The following CDYL variants were observed in gnomAD, a reference collection of about 807,000 sequenced individuals.
CDYL encodes the protein chromodomain Y like.
A neutral mutation model predicts 47.3 loss-of-function variants in CDYL; 8 were observed. That is an observed-to-expected ratio of 0.17 (90% CI 0.10 to 0.31). CDYL has a LOEUF of 0.31. Ranked by LOEUF, CDYL falls within the 10% of genes least tolerant of loss-of-function variation. CDYL has a pLI of 1.00. For synonymous variants in CDYL, 266 were observed against 265.0 expected (o/e 1.00, Z -0.04); for missense variants, 471 against 701.4 (o/e 0.67, Z 3.71).
chr6:4,810,245 C>A (rs1430436054), intron 1 of CDYL, among the ~76,000 whole-genome samples: 3 of 152,124 alleles, frequency 2.0e-5, no homozygotes, highest in African/African-American at 7.2e-5. Context: ...CTTCCTAACT[C>A]CTACTTCACA....
chr6:4,925,932 A>G (rs1339829233), intron 2 of CDYL, among the ~76,000 whole-genome samples: 1 of 152,158 alleles, frequency 6.6e-6, no homozygotes, highest in Admixed American at 6.5e-5. Flanking sequence ...TACTAGAACT[A>G]TGCGCTTCAT....
chr6:4,943,773 A>T lies in CDYL; in HGVS notation c.1332+17A>T. The T allele has an allele frequency of 2.0e-6, 3 of 1,464,360 alleles. No individual in the cohort carries two copies. The highest frequency in any genetic ancestry group is 1.3e-5 in the South Asian group (1 of 78,124). The allele number at this position is 1,464,360 out of a possible 1,614,324, so 90.7% of individuals were successfully genotyped here. On this transcript the variant is annotated intron_variant, in intron 5 of 6. Coordinates refer to ENST00000397588, the MANE Select transcript of CDYL (RefSeq NM_004824.4). Reference sequence around the variant, plus strand: ...GGAGCATCTGTGAGTACCTTTTTAAAAAAAAAAAAAAAAAGTCATTCTAGA... The same window carrying T: ...GGAGCATCTGTGAGTACCTTTTTAATAAAAAAAAAAAAAAGTCATTCTAGA...
chr6:4,779,948 A>AGTGT (rs1174588855), intron 1 of CDYL, among the ~76,000 whole-genome samples: 4 of 152,216 alleles, frequency 2.6e-5, no homozygotes, highest in Non-Finnish European at 1.5e-5. Flanking sequence ...CATGAAATAC[A>AGTGT]CATTTGTGTT....
At chr6:4,874,094 A>G (rs1379060666) in intron 1 of CDYL, among the ~76,000 whole-genome samples, 2 of 152,198 alleles carry the variant, frequency 1.3e-5, no homozygotes, top group Admixed American at 6.5e-5. Flanking sequence ...CTCAACAGTT[A>G]AAGAAGGTGT....
chr6:4,858,095 T>G (rs552665716), intron 1 of CDYL, among the ~76,000 whole-genome samples: 14 of 151,950 alleles, frequency 9.2e-5, no homozygotes, highest in African/African-American at 3.1e-4. Flanking sequence ...AAAATTGTGC[T>G]TATTTCTGAA....
At chr6:4,926,594 T>C (rs1757880772) in intron 2 of CDYL, among the ~76,000 whole-genome samples, 1 of 152,186 alleles carries the variant, frequency 6.6e-6, no homozygotes, top group African/African-American at 2.4e-5. Context: ...ATCCCAGACA[T>C]TTTTGTCTGG....
chr6:4,819,116 TTCTCTCTCTCTC>T (rs373718294), intron 1 of CDYL, among the ~76,000 whole-genome samples: 1,472 of 76,700 alleles, frequency 0.019, 23 homozygotes, highest in Middle Eastern at 0.057. Context: ...TTTAGGTTCG[TTCTCTCTCTCTC>T]TCTCTCTCTC....
At chr6:4,843,066 G>T (rs541721834) in intron 1 of CDYL, among the ~76,000 whole-genome samples, 11 of 152,276 alleles carry the variant, frequency 7.2e-5, no homozygotes, top group African/African-American at 2.4e-4. Context: ...ATGAAGTTTA[G>T]TTTTGCTGGA....
At chr6:4,806,012 A>C (rs967572394) in intron 1 of CDYL, among the ~76,000 whole-genome samples, 2 of 152,258 alleles carry the variant, frequency 1.3e-5, no homozygotes, top group African/African-American at 4.8e-5. Flanking sequence ...GCGCAGGAGC[A>C]TGAGGAAGGA....
Position 4,953,909 on chromosome 6 carries a change from A to G in CDYL, c.1488A>G (p.Glu496=), listed in dbSNP as rs765234035. ...LASCNPVVLE[E]SKALVRCNMK... ...GTTTTCCGGTGCAGGTGCTTGAGGA[A>G]TCCAAAGCCCTCGTGCGCTGCAACA... The change falls in exon 7 of 7, where the codon GAA becomes GAG. Residue 496 remains glutamate (E), a synonymous_variant. Coordinates refer to ENST00000397588, the MANE Select transcript of CDYL (RefSeq NM_004824.4). The G allele has an allele frequency of 5.0e-6, 8 of 1,612,872 alleles. No homozygotes were observed. In the African/African-American group the frequency reaches 9.3e-5, roughly 19 times the overall value.
intron 1 of CDYL, chr6:4,890,215 ACTATTT>A (rs1416171102): frequency 1.1e-6 from 1 of 944,980 alleles, no homozygotes; most frequent in African/African-American, 1.8e-5. Context: ...AAACTCTTAA[ACTATTT>A]CTGCAAAAAC....
At chr6:4,722,441 T>C (rs940594765) in intron 2 of CDYL, among the ~76,000 whole-genome samples, 8 of 152,200 alleles carry the variant, frequency 5.3e-5, no homozygotes, top group Non-Finnish European at 1.2e-4. Context: ...AATTAAATTA[T>C]GATTATAGAA....
intron 1 of CDYL, among the ~76,000 whole-genome samples, chr6:4,845,054 CACTT>C (rs1760615006): frequency 6.6e-6 from 1 of 152,162 alleles, no homozygotes; most frequent in South Asian, 2.1e-4. Flanking sequence ...CTCCAAAGTG[CACTT>C]ACTGAATTTC....
chr6:4,940,134 T>C (rs1288970080), intron 4 of CDYL, among the ~76,000 whole-genome samples: 2 of 150,742 alleles, frequency 1.3e-5, no homozygotes, highest in African/African-American at 4.9e-5. Context: ...TTGATGTCAC[T>C]TTAAAAGTTC....
At chr6:4,932,506 C>T (rs1758061754) in intron 2 of CDYL, among the ~76,000 whole-genome samples, 1 of 152,160 alleles carries the variant, frequency 6.6e-6, no homozygotes, top group South Asian at 2.1e-4. Context: ...GAGACACAGG[C>T]ATTTGGGCCA....
intron 2 of CDYL, among the ~76,000 whole-genome samples, chr6:4,926,130 A>G (rs1171269595): frequency 6.6e-6 from 1 of 152,208 alleles, no homozygotes; most frequent in Non-Finnish European, 1.5e-5. Flanking sequence ...TAGAGCAAAG[A>G]CACTTTTACA....
At chr6:4,906,653 G>C (rs1315195126) in intron 2 of CDYL, among the ~76,000 whole-genome samples, 1 of 152,152 alleles carries the variant, frequency 6.6e-6, no homozygotes, top group Non-Finnish European at 1.5e-5. Flanking sequence ...TCTGTGCTTT[G>C]GTTTTTCAGA....
At chr6:4,767,309 T>C (rs1758270414) in intron 3 of CDYL, among the ~76,000 whole-genome samples, 1 of 150,654 alleles carries the variant, frequency 6.6e-6, no homozygotes, top group South Asian at 2.1e-4. Flanking sequence ...GCGCAGTGGC[T>C]CACACCTGTA....
intron 2 of CDYL, among the ~76,000 whole-genome samples, chr6:4,919,184 G>A (rs557551103): frequency 6.6e-6 from 1 of 152,098 alleles, no homozygotes; most frequent in African/African-American, 2.4e-5. Flanking sequence ...TAAGAGTGAG[G>A]CTCCTGCACA....
Sources: allele counts gnomAD v4.1 joint callset (sites outside exome capture counted in the v4.1 genomes callset), GRCh38; gene constraint gnomAD v4.1.1; transcripts MANE v1.5; gene names NCBI Gene and HGNC (gene_info 2026-07-23, HGNC 2026-07-21).